The following DHX15 variants were observed in gnomAD, a reference collection of about 807,000 sequenced individuals.
DHX15 encodes ATP-dependent RNA helicase DHX15.
Under a neutral mutation model 94.4 loss-of-function variants are expected in DHX15, and 11 were observed. That is an observed-to-expected ratio of 0.12 (90% CI 0.07 to 0.19). The LOEUF is 0.19. DHX15 is among the 10% of genes least tolerant of loss of function. The pLI is 1.00. For synonymous variants in DHX15, 338 were observed against 329.9 expected (o/e 1.02, Z -0.27); for missense variants, 304 against 988.5 (o/e 0.31, Z 9.29).
chr4:24,529,784 C>A lies in DHX15; in HGVS notation c.2101-14G>T, dbSNP rs759634993. The stretch of plus-strand genomic sequence containing the variant: ...TAAATGTGCCACCTGAAACCAAAAC[C>A]CAGTATATTATTAATACAATGCTTC... On this transcript the variant is annotated splice_polypyrimidine_tract_variant and intron_variant, in intron 12 of 13. Coordinates refer to ENST00000336812, the MANE Select transcript of DHX15 (RefSeq NM_001358.3). The A allele has an allele frequency of 6.8e-6, 11 of 1,613,612 alleles. No individual in the cohort carries two copies. In the Admixed American group the frequency reaches 1.8e-4, roughly 27 times the overall value.
intron 6 of DHX15, among the ~76,000 whole-genome samples, chr4:24,543,941 T>C (rs997526007): frequency 7.9e-5 from 12 of 152,124 alleles, no homozygotes; most frequent in African/African-American, 2.9e-4. Context: ...TAAGGGATGA[T>C]TAGACATGGA....
rs1721118694 is a variant in DHX15 at position 24,533,038 on chromosome 4, C to T, written c.1926G>A (p.Gln642=). Residue 642 remains glutamine (Q), a synonymous_variant, in exon 12 of 14, where the codon CAG becomes CAA. Transcript: ENST00000336812. ...AGTTAATGAAGTTGTCATAACACCA[C>T]TGAACCGATTCATGATCTAAAAAGG... ...HAFKQNHESV[Q]WCYDNFINYR... 6.2e-7 allele frequency: 1 copy of T among 1,614,054 alleles called. No individual in the cohort carries two copies. Among genetic ancestry groups the T allele is most frequent in the South Asian group, 1.1e-5 (1 of 91,078 alleles).
At chr4:24,536,596 T>C (rs1418967340) in intron 11 of DHX15, among the ~76,000 whole-genome samples, 5 of 152,228 alleles carry the variant, frequency 3.3e-5, no homozygotes, top group Non-Finnish European at 7.3e-5. Flanking sequence ...ATATCATGTT[T>C]AGAGACCACT....
rs1577355957 is a variant in DHX15, at chr4:24,584,519, G to C, written c.-126C>G. The C allele has an allele frequency of 2.1e-6, 2 of 942,290 alleles. No homozygotes were observed. Among genetic ancestry groups the C allele is most frequent in the East Asian group, 6.5e-5 (2 of 30,904 alleles). 58.4% of individuals were successfully genotyped at this position (942,290 alleles called of 1,614,324 possible). Reference sequence around the variant, plus strand: ...CCGCTACTACAGCCCACACGGTGCGGCCGGAACCAACAGCTAAAATGGCGG... The same window carrying C: ...CCGCTACTACAGCCCACACGGTGCGCCCGGAACCAACAGCTAAAATGGCGG... On this transcript the variant is annotated 5_prime_UTR_variant, in exon 1 of 14. Coordinates refer to ENST00000336812, the MANE Select transcript of DHX15 (RefSeq NM_001358.3).
chr4:24,534,362 G>A (rs1361664445), intron 11 of DHX15, among the ~76,000 whole-genome samples: 2 of 152,156 alleles, frequency 1.3e-5, no homozygotes, highest in Non-Finnish European at 2.9e-5. Flanking sequence ...TTGAAATGTA[G>A]CTTTTTTGTG....
At chr4:24,555,583 A>G (rs1022800623) in intron 4 of DHX15, among the ~76,000 whole-genome samples, 1 of 152,116 alleles carries the variant, frequency 6.6e-6, no homozygotes, top group Non-Finnish European at 1.5e-5. Context: ...TGTTTCTGCT[A>G]AGAGTCTCAC....
In DHX15 at chr4:24,550,118, A is replaced by AAAAAAAAAAAAAAAAAC. The variant is rs1560766877; in HGVS notation, c.1081-1097_1081-1096insGTTTTTTTTTTTTTTTT. ...TCAAAAAAAAAAAAAAAAAAAAAAA[A>AAAAAAAAAAAAAAAAAC]AAAAACGGTAAAAATCAGTACACTC... On this transcript the variant is annotated intron_variant, in intron 5 of 13. Transcript: ENST00000336812. Among the ~76,000 whole-genome samples, 5 of 145,276 alleles carry AAAAAAAAAAAAAAAAAC rather than the reference A, an allele frequency of 3.4e-5. No homozygotes were observed. In the South Asian group the frequency reaches 9.0e-4, roughly 26 times the overall value.
chr4:24,584,258 G>GCCCGCT, intron 1 of DHX15, 65 bp downstream of exon 1: 1 of 1,515,586 alleles, frequency 6.6e-7, no homozygotes. Flanking sequence ...GCCAGCCCCG[G>GCCCGCT]CCCGCTCCCT....
At chr4:24,538,974 G>A (rs1721253723) in intron 10 of DHX15, 2 of 152,010 alleles carry the variant, frequency 1.3e-5, no homozygotes, top group African/African-American at 4.8e-5. Flanking sequence ...GTACAACTGG[G>A]AGAATCTATA....
chr4:24,566,252 GT>G (rs1721989908), intron 3 of DHX15, among the ~76,000 whole-genome samples: 1 of 151,900 alleles, frequency 6.6e-6, no homozygotes, highest in African/African-American at 2.4e-5. Flanking sequence ...GTCTCACTAT[GT>G]TACCCACCCT....
chr4:24,566,408 T>C (rs555715319), intron 3 of DHX15, among the ~76,000 whole-genome samples: 1 of 152,268 alleles, frequency 6.6e-6, no homozygotes, highest in African/African-American at 2.4e-5. Context: ...CTTTATACAG[T>C]TGGTGCTTCA....
chr4:24,540,500 T>C (rs1455133953), intron 9 of DHX15, among the ~76,000 whole-genome samples: 1 of 152,142 alleles, frequency 6.6e-6, no homozygotes, highest in Non-Finnish European at 1.5e-5. Context: ...GGCAAAACTG[T>C]CTTCTTCCGA....
intron 12 of DHX15, among the ~76,000 whole-genome samples, chr4:24,531,648 G>C (rs2109391466): frequency 6.6e-6 from 1 of 152,120 alleles, no homozygotes. Flanking sequence ...AGCCCAGGGA[G>C]GTAAAAGCTG....
intron 3 of DHX15, among the ~76,000 whole-genome samples, chr4:24,569,591 CAAAAAAAAAAAAA>C (rs60075617): frequency 2.9e-5 from 2 of 68,654 alleles, no homozygotes; most frequent in Admixed American, 2.3e-4. Flanking sequence ...GACTCCATCT[CAAAAAAAAAAAAA>C]AAAAAAAAAA....
rs1720993703 is a variant in DHX15 at position 24,527,853 on chromosome 4, C to G, written c.*71G>C. The stretch of plus-strand genomic sequence containing the variant: ...CATTATCGAACCAACGTGAAGAGCA[C>G]AACTCGAACTTTTGAGTTCATTCAT... On this transcript the variant is annotated 3_prime_UTR_variant, in exon 14 of 14. Coordinates refer to ENST00000336812, the MANE Select transcript of DHX15 (RefSeq NM_001358.3). 4.5e-6 allele frequency: 5 copies of G among 1,117,056 alleles called. No individual in the cohort carries two copies. Among genetic ancestry groups the G allele is most frequent in the Non-Finnish European group, 5.4e-6 (4 of 735,402 alleles). The allele number at this position is 1,117,056 out of a possible 1,614,324, so 69.2% of individuals were successfully genotyped here.
At chr4:24,581,891 A>T (rs1722424499) in intron 1 of DHX15, among the ~76,000 whole-genome samples, 1 of 152,220 alleles carries the variant, frequency 6.6e-6, no homozygotes. Flanking sequence ...ACTTCACCTG[A>T]TTTCAAAGTT....
chr4:24,550,147 T>A (rs79816970), intron 5 of DHX15, among the ~76,000 whole-genome samples: 1 of 111,554 alleles, frequency 9.0e-6, no homozygotes, highest in East Asian at 2.7e-4. Flanking sequence ...TACACTCATA[T>A]AGGGCATCTG....
chr4:24,575,777 A>G (rs1473104122), intron 2 of DHX15, among the ~76,000 whole-genome samples: 2 of 152,228 alleles, frequency 1.3e-5, no homozygotes. Context: ...ATTACAAATA[A>G]CACACTAGTA....
At chr4:24,548,140 C>CTTTTTTT (rs71196189) in intron 6 of DHX15, among the ~76,000 whole-genome samples, 1 of 108,158 alleles carries the variant, frequency 9.2e-6, no homozygotes, top group Non-Finnish European at 1.8e-5. Context: ...ATCAGTGCTA[C>CTTTTTTT]TTTTTTTTTT....
Sources: allele counts gnomAD v4.1 joint callset (sites outside exome capture counted in the v4.1 genomes callset), GRCh38; gene constraint gnomAD v4.1.1; transcripts MANE v1.5; gene names NCBI Gene and HGNC (gene_info 2026-07-23, HGNC 2026-07-21).